Variants in ANAPC1 observed in about 807,000 individuals in gnomAD.
ANAPC1 encodes the protein anaphase promoting complex subunit 1.
A neutral mutation model predicts 208.0 loss-of-function variants in ANAPC1; 36 were observed. The ratio of observed to expected loss-of-function variants is 0.17; its 90% CI spans 0.13 to 0.23. ANAPC1 has a LOEUF of 0.23. Among genes scored for constraint, ANAPC1 ranks in the 10% least tolerant of loss-of-function variants. The pLI is 1.00. For synonymous variants in ANAPC1, 378 were observed against 695.2 expected (o/e 0.54, Z 7.18); for missense variants, 942 against 2,011.6 (o/e 0.47, Z 10.17).
At chr2:111,856,563 G>A (rs764824745) in intron 13 of ANAPC1, 51 bp downstream of exon 13, 39 of 1,476,072 alleles carry the variant, frequency 2.6e-5, no homozygotes, top group Non-Finnish European at 3.2e-5. Flanking sequence ...AAATATTCAT[G>A]CAGGCAGCCT....
chr2:111,880,919 C>A (rs962459817), intron 1 of ANAPC1, 70 bp from the exon 2 acceptor site: 9 of 1,320,112 alleles, frequency 6.8e-6, no homozygotes, highest in Non-Finnish European at 9.5e-6. Context: ...CATAAACACA[C>A]AAGTCATTAA....
intron 3 of ANAPC1, among the ~76,000 whole-genome samples, chr2:111,875,268 T>C (rs1330370665): frequency 6.6e-6 from 1 of 152,178 alleles, no homozygotes; most frequent in East Asian, 1.9e-4. Flanking sequence ...ATTGGGTAGT[T>C]TGTTTTATTG....
In ANAPC1 at chr2:111,819,116, AT is replaced by A. The variant is rs1468648130; in HGVS notation, c.3207-159del. 1.7e-5 allele frequency: 15 copies of A among 901,862 alleles called. No homozygotes were observed. The Admixed American group carries it at 3.2e-4, about 19-fold the overall frequency. 55.9% of individuals were successfully genotyped at this position (901,862 alleles called of 1,614,324 possible). On this transcript the variant is annotated intron_variant, in intron 26 of 47. Coordinates refer to ENST00000341068, the MANE Select transcript of ANAPC1 (RefSeq NM_022662.4). ...GTGAGTGAACTACCCAAACATGATT[AT>A]TTTCATTTTAATATTCTTGTTCCTA... is the stretch of plus-strand genomic sequence containing the variant.
At chr2:111,845,872 G>C (rs1002721399) in intron 16 of ANAPC1, among the ~76,000 whole-genome samples, 1 of 151,760 alleles carries the variant, frequency 6.6e-6, no homozygotes, top group Non-Finnish European at 1.5e-5. Context: ...CTACTCGGGA[G>C]GCTGAGGCAG....
intron 16 of ANAPC1, among the ~76,000 whole-genome samples, chr2:111,843,928 G>A (rs376807755): frequency 5.6e-5 from 8 of 143,582 alleles, no homozygotes; most frequent in African/African-American, 1.5e-4. Context: ...GAGTTCAAGC[G>A]ATTCTCCTAC....
At chr2:111,790,967 G>C (rs1421123967) in intron 38 of ANAPC1, among the ~76,000 whole-genome samples, 1 of 152,202 alleles carries the variant, frequency 6.6e-6, no homozygotes, top group Non-Finnish European at 1.5e-5. Flanking sequence ...AGTTTTGCAA[G>C]ATGAAAAATT....
chr2:111,846,594 G>C (rs1310538492), intron 16 of ANAPC1, among the ~76,000 whole-genome samples: 1 of 96,632 alleles, frequency 1.0e-5, no homozygotes, highest in African/African-American at 4.0e-5. Context: ...TTTTGAGACA[G>C]AGTCTCACTC....
chr2:111,832,310 A>G (rs1417973936), intron 20 of ANAPC1, among the ~76,000 whole-genome samples: 1 of 151,160 alleles, frequency 6.6e-6, no homozygotes, highest in African/African-American at 2.4e-5. Context: ...CTCAAGAAAA[A>G]AAAAAAAAAA....
chr2:111,872,531 T>C lies in ANAPC1; in HGVS notation c.611+99A>G, dbSNP rs1444520908. 1.2e-5 allele frequency: 12 copies of C among 1,012,540 alleles called. No homozygotes were observed. The African/African-American group carries it at 1.8e-4, about 15-fold the overall frequency. The allele number at this position is 1,012,540 out of a possible 1,614,324, so 62.7% of individuals were successfully genotyped here. A position where few individuals can be genotyped will look rare whatever the true frequency, so the allele number is the denominator to read the frequency against. ...ATGGCATATATCTATGCTGTCAACA[T>C]GAAAATTATCATCATCTCAAACTTT... On this transcript the variant is annotated intron_variant, in intron 6 of 47. Transcript: ENST00000341068.
chr2:111,798,244 T>C (rs976072543), intron 34 of ANAPC1, among the ~76,000 whole-genome samples: 67 of 151,548 alleles, frequency 4.4e-4, no homozygotes, highest in Non-Finnish European at 8.4e-4. Flanking sequence ...CAAGAAAGAA[T>C]GACAATCTGA....
rs1393841167 is a variant in ANAPC1 at position 111,838,452 on chromosome 2, T to C, written c.2101A>G (p.Thr701Ala). The C allele has an allele frequency of 5.7e-5, 91 of 1,605,896 alleles. No homozygotes were observed. The highest frequency in any genetic ancestry group is 7.7e-5 in the Non-Finnish European group (91 of 1,177,944). The change falls in exon 18 of 48, where the codon ACT (threonine) becomes GCT (alanine). Residue 701 changes from threonine to alanine, a missense_variant. Coordinates refer to ENST00000341068, the MANE Select transcript of ANAPC1 (RefSeq NM_022662.4). ...IAPKKARPSE[T>A]GSDDDWEYLL... ...ATAATGCTTACATCATCAGATCCAG[T>C]CTCGGAAGGCCTTGCTTTTTTGGGC...
At chr2:111,782,291 T>C (rs1279594998) in intron 43 of ANAPC1, 78 bp downstream of exon 43, 1 of 1,579,712 alleles carries the variant, frequency 6.3e-7, no homozygotes, top group Non-Finnish European at 8.6e-7. Flanking sequence ...AGATCCACCT[T>C]TGAAGTTTAT....
intron 1 of ANAPC1, among the ~76,000 whole-genome samples, chr2:111,882,996 T>C (rs1461326866): frequency 1.3e-5 from 2 of 151,420 alleles, no homozygotes; most frequent in African/African-American, 4.9e-5. Flanking sequence ...TGAAACCCCA[T>C]CTCTACTAAA....
At chr2:111,852,585 AT>A (rs1420742546) in intron 13 of ANAPC1, among the ~76,000 whole-genome samples, 2 of 151,882 alleles carry the variant, frequency 1.3e-5, no homozygotes, top group African/African-American at 2.4e-5. Context: ...GATGCTGAGG[AT>A]TTTTTTTAAT....
intron 10 of ANAPC1, 120 bp from the exon 11 acceptor site, chr2:111,858,521 G>GATT: frequency 1.7e-6 from 1 of 603,662 alleles, no homozygotes; most frequent in Non-Finnish European, 2.8e-6. Context: ...AACACTTTGG[G>GATT]AGGCCGAGGC....
intron 13 of ANAPC1, among the ~76,000 whole-genome samples, chr2:111,855,488 G>A (rs1681649586): frequency 2.0e-5 from 3 of 152,064 alleles, no homozygotes; most frequent in African/African-American, 2.4e-5. Flanking sequence ...AGCACAAAAT[G>A]AGGTACGATG....
chr2:111,801,581 G>A (rs1678447187), intron 33 of ANAPC1, among the ~76,000 whole-genome samples: 1 of 145,912 alleles, frequency 6.9e-6, no homozygotes, highest in Non-Finnish European at 1.5e-5. Context: ...AACACCATGA[G>A]AGCATCATAC....
intron 11 of ANAPC1, among the ~76,000 whole-genome samples, chr2:111,857,289 C>T (rs1314785514): frequency 8.1e-6 from 1 of 123,658 alleles, no homozygotes. Context: ...AAGAGGTTAC[C>T]TGTGAGGGAA....
intron 42 of ANAPC1, among the ~76,000 whole-genome samples, chr2:111,782,855 T>C (rs539533041): frequency 6.6e-6 from 1 of 152,174 alleles, no homozygotes; most frequent in Non-Finnish European, 1.5e-5. Flanking sequence ...TATCTATTAA[T>C]TGGTTTGCAG....
Sources: gnomAD v4.1 joint callset for allele counts (sites outside exome capture counted in the v4.1 genomes callset) on GRCh38, gnomAD v4.1.1 for gene constraint, MANE v1.5 for transcripts, NCBI Gene and HGNC (gene_info 2026-07-23, HGNC 2026-07-21) for gene names.